SPG11: variants seen among roughly 807,000 people sequenced by gnomAD.
SPG11 encodes spatacsin.
Under a neutral mutation model 274.0 loss-of-function variants are expected in SPG11, and 222 were observed. The ratio of observed to expected loss-of-function variants is 0.81; its 90% CI spans 0.73 to 0.91. SPG11 has a LOEUF of 0.91. Ranked by LOEUF, SPG11 falls within the 40% of genes least tolerant of loss-of-function variation. SPG11 has a pLI of 0.00. For synonymous variants in SPG11, 1,144 were observed against 1,039.7 expected (o/e 1.10, Z -1.93); for missense variants, 3,114 against 2,872.7 (o/e 1.08, Z -1.92).
At chr15:44,652,573 T>C (rs1454232693) in intron 4 of SPG11, among the ~76,000 whole-genome samples, 1 of 152,160 alleles carries the variant, frequency 6.6e-6, no homozygotes, top group Non-Finnish European at 1.5e-5. Flanking sequence ...GTGAGGTAAA[T>C]ATAACCCCAT....
intron 27 of SPG11, among the ~76,000 whole-genome samples, chr15:44,591,679 G>T (rs2082901777): frequency 6.6e-6 from 1 of 152,200 alleles, no homozygotes; most frequent in African/African-American, 2.4e-5. Flanking sequence ...TCATTACAGT[G>T]AAGACCAGTG....
rs2082478414 is a variant in SPG11 at position 44,573,828 on chromosome 15, C to CA, written c.6007-84dup. 2.4e-6 allele frequency: 3 copies of CA among 1,265,006 alleles called. No individual in the cohort carries two copies. The African/African-American group carries it at 4.4e-5, about 19-fold the overall frequency. 78.4% of individuals were successfully genotyped at this position (1,265,006 alleles called of 1,614,324 possible). ...AGCCCTTTCTGAAATCTGATGTGGA[C>CA]AGACTCCACTGTATTCTGAGCTTAC... On this transcript the variant is annotated intron_variant, in intron 31 of 39. Coordinates refer to ENST00000261866, the MANE Select transcript of SPG11 (RefSeq NM_025137.4).
rs1368557409 is a variant in SPG11 at position 44,651,483 on chromosome 15, A to C, written c.1456+8T>G. 8.1e-6 allele frequency: 13 copies of C among 1,611,508 alleles called. No individual in the cohort carries two copies. The highest frequency in any genetic ancestry group is 1.1e-5 in the Non-Finnish European group (13 of 1,177,800). On this transcript the variant is annotated splice_region_variant and intron_variant, in intron 6 of 39. Transcript: ENST00000261866. Reference sequence around the variant, plus strand: ...AATGGATTTCAATCTAATACAAGACAGTCTCACCTGTCAAAACAAAGCACA... The same window carrying C: ...AATGGATTTCAATCTAATACAAGACCGTCTCACCTGTCAAAACAAAGCACA...
intron 33 of SPG11, among the ~76,000 whole-genome samples, chr15:44,571,914 C>T (rs1204407388): frequency 6.6e-6 from 1 of 152,224 alleles, no homozygotes; most frequent in Non-Finnish European, 1.5e-5. Flanking sequence ...ACCTCAGCCT[C>T]TCAAGTAGCT....
intron 28 of SPG11, chr15:44,588,534 T>G (rs2082825678): frequency 5.0e-6 from 1 of 200,732 alleles, no homozygotes; most frequent in Non-Finnish European, 1.1e-5. Flanking sequence ...TAGGAAAAAT[T>G]ATATAAGATA....
intron 8 of SPG11, among the ~76,000 whole-genome samples, chr15:44,633,187 G>C (rs1199849963): frequency 6.6e-6 from 1 of 151,534 alleles, no homozygotes; most frequent in Non-Finnish European, 1.5e-5. Context: ...AAGAATAGCT[G>C]AGTGTGGTGG....
intron 26 of SPG11, among the ~76,000 whole-genome samples, chr15:44,594,596 G>A (rs867176798): frequency 0.015 from 1,071 of 70,972 alleles, 84 homozygotes; most frequent in Middle Eastern, 0.029. Flanking sequence ...TTAAAAATGC[G>A]AAAAAAAAAA....
At chr15:44,628,431 C>G (rs1016018839) in intron 10 of SPG11, among the ~76,000 whole-genome samples, 1 of 152,134 alleles carries the variant, frequency 6.6e-6, no homozygotes, top group African/African-American at 2.4e-5. Flanking sequence ...TGTTACTGAA[C>G]CCAAGTGGGC....
intron 19 of SPG11, among the ~76,000 whole-genome samples, chr15:44,607,980 T>C (rs536851378): frequency 1.1e-4 from 17 of 152,316 alleles, no homozygotes; most frequent in Non-Finnish European, 2.4e-4. Context: ...TGCTCAGTAT[T>C]GCAGGATACT....
rs2083037666 is a variant in SPG11 at position 44,596,317 on chromosome 15, T to C, written c.4200A>G (p.Gln1400=). ...TCTCAAAAGCCAGCCTTAAGTGGTCTTGAATGACTGGGCTGAAGTACTGGA... is the reference window on the plus strand; with the variant it reads ...TCTCAAAAGCCAGCCTTAAGTGGTCCTGAATGACTGGGCTGAAGTACTGGA... ...SLIQYFSPVI[Q]DHLRLAFENL... Residue 1400 remains glutamine, a synonymous_variant, in exon 25 of 40, where the codon CAA becomes CAG. Coordinates refer to ENST00000261866, the MANE Select transcript of SPG11 (RefSeq NM_025137.4). 1 of 1,614,198 alleles carries C rather than the reference T, an allele frequency of 6.2e-7. No individual in the cohort carries two copies. Among genetic ancestry groups the C allele is most frequent in the Non-Finnish European group, 8.5e-7 (1 of 1,180,026 alleles).
intron 7 of SPG11, among the ~76,000 whole-genome samples, chr15:44,634,814 T>TG (rs574669575): frequency 4.9e-4 from 74 of 151,638 alleles, no homozygotes; most frequent in Middle Eastern, 6.8e-3. Context: ...TGACCTCAGG[T>TG]GAGGATCCTC....
Position 44,574,918 on chromosome 15 carries a change from A to G in SPG11, c.5990T>C (p.Leu1997Pro), listed in dbSNP as rs879367729. 1.2e-6 allele frequency: 2 copies of G among 1,613,872 alleles called. No individual in the cohort carries two copies. Among genetic ancestry groups the G allele is most frequent in the South Asian group, 2.2e-5 (2 of 91,078 alleles). ...GGCACATACCTTGGCAAGATCATAC[A>G]GACAGAGGACCTGTCGACAGTAGTT... Reference protein sequence around the residue: ...GKNYCRQVLCLYDLAKELGCS... With the variant: ...GKNYCRQVLCPYDLAKELGCS... The change falls in exon 31 of 40, where the codon CTG (leucine) becomes CCG (proline). Residue 1997 changes from leucine to proline, a missense_variant. Physicochemically the swap from Leu to Pro is moderately conservative, Grantham distance 98. Transcript: ENST00000261866.
intron 7 of SPG11, among the ~76,000 whole-genome samples, chr15:44,643,746 A>G (rs181454140): frequency 2.0e-4 from 31 of 152,278 alleles, no homozygotes; most frequent in African/African-American, 7.2e-4. Context: ...TGAAAAGCCA[A>G]AAAAACTGAG....
intron 1 of SPG11, 108 bp from the exon 2 acceptor site, chr15:44,660,724 G>C: frequency 1.0e-6 from 1 of 999,316 alleles, no homozygotes; most frequent in Non-Finnish European, 1.5e-6. Context: ...AGTTGACCTG[G>C]TATAGTCATT....
intron 29 of SPG11, among the ~76,000 whole-genome samples, chr15:44,585,139 C>T (rs918849745): frequency 2.6e-5 from 4 of 151,984 alleles, no homozygotes; most frequent in Non-Finnish European, 5.9e-5. Context: ...ATTTGCAGCA[C>T]ACATTTCTCA....
intron 15 of SPG11, among the ~76,000 whole-genome samples, chr15:44,618,951 G>T (rs1372964521): frequency 2.6e-5 from 4 of 152,038 alleles, no homozygotes; most frequent in Non-Finnish European, 4.4e-5. Context: ...CCTTTAATCT[G>T]GTGGTATAGA....
At chr15:44,626,287 T>C in intron 11 of SPG11, 44 bp downstream of exon 11, 1 of 1,497,468 alleles carries the variant, frequency 6.7e-7, no homozygotes, top group Non-Finnish European at 9.1e-7. Context: ...TAACTAGAAA[T>C]TATATTAAAT....
In SPG11 at chr15:44,600,639, G is replaced by T. The variant is rs2083161976; in HGVS notation, c.3521-7C>A. ...GGGAGATGACTCCATGCATCTAGGG[G>T]GAAAGTAAAACAATATTAATTATCT... is the stretch of plus-strand genomic sequence containing the variant. On this transcript the variant is annotated splice_polypyrimidine_tract_variant and splice_region_variant and intron_variant, in intron 20 of 39. Coordinates refer to ENST00000261866, the MANE Select transcript of SPG11 (RefSeq NM_025137.4). 1 of 1,612,996 alleles carries T rather than the reference G, an allele frequency of 6.2e-7. No homozygotes were observed. Among genetic ancestry groups the T allele is most frequent in the African/African-American group, 1.3e-5 (1 of 74,842 alleles).
intron 1 of SPG11, 128 bp downstream of exon 1, chr15:44,663,263 T>C: frequency 7.6e-7 from 1 of 1,317,280 alleles, no homozygotes; most frequent in Non-Finnish European, 1.1e-6. Context: ...GGGCGTTTCC[T>C]GCAGCTGGCA....
Sources: gnomAD v4.1 joint callset for allele counts (sites outside exome capture counted in the v4.1 genomes callset) on GRCh38, gnomAD v4.1.1 for gene constraint, MANE v1.5 for transcripts, NCBI Gene and HGNC (gene_info 2026-07-23, HGNC 2026-07-21) for gene names.